SUGCT: variants seen among roughly 807,000 people sequenced by gnomAD.
SUGCT encodes succinyl-CoA:glutarate-CoA transferase, also known as succinyl-CoA:glutarate CoA-transferase.
A neutral mutation model predicts 55.0 loss-of-function variants in SUGCT; 41 were observed. The observed-to-expected ratio is 0.74, with a 90% CI of 0.58 to 0.97. The LOEUF (loss-of-function observed/expected upper bound fraction) is 0.97. Among genes scored for constraint, SUGCT ranks in the 50% least tolerant of loss-of-function variants. SUGCT has a pLI of 0.00. For missense variants in SUGCT, 568 were observed against 547.8 expected (o/e 1.04, Z -0.37); for synonymous variants, 187 against 200.4 (o/e 0.93, Z 0.56).
intron 12 of SUGCT, among the ~76,000 whole-genome samples, chr7:40,673,266 C>G (rs529700034): frequency 1.3e-5 from 2 of 152,276 alleles, no homozygotes; most frequent in East Asian, 3.9e-4. Context: ...AACTTCTCAT[C>G]TTTGCCCCTT....
the SUGCT span, among the ~76,000 whole-genome samples, chr7:40,976,520 C>T: frequency 3.3e-5 from 5 of 152,178 alleles, no homozygotes; most frequent in Non-Finnish European, 7.3e-5. Flanking sequence ...CTTTCCTAGC[C>T]ATTGATAGGT....
At chr7:40,381,804 A>G (rs568964550) in intron 9 of SUGCT, among the ~76,000 whole-genome samples, 100 of 152,282 alleles carry the variant, frequency 6.6e-4, no homozygotes, top group South Asian at 2.1e-3. Flanking sequence ...ACTATATGCC[A>G]TTTGGAAAAG....
chr7:40,328,870 C>A (rs1428756376), intron 9 of SUGCT, among the ~76,000 whole-genome samples: 1 of 152,046 alleles, frequency 6.6e-6, no homozygotes, highest in South Asian at 2.1e-4. Context: ...AGAATGGGTT[C>A]AAATCTACCC....
chr7:40,479,617 T>C (rs890011933), intron 11 of SUGCT, among the ~76,000 whole-genome samples: 1 of 152,176 alleles, frequency 6.6e-6, no homozygotes, highest in South Asian at 2.1e-4. Context: ...TTTGTCAAAA[T>C]GGCTGTACCA....
chr7:40,680,808 A>G (rs11763592), intron 12 of SUGCT, among the ~76,000 whole-genome samples: 24,966 of 152,122 alleles, frequency 0.16, 2,381 homozygotes, highest in Non-Finnish European at 0.22. Flanking sequence ...TGATCATTCT[A>G]CCTGGGGTTG....
chr7:40,839,767 T>G (rs1793180693), intron 13 of SUGCT, among the ~76,000 whole-genome samples: 1 of 61,574 alleles, frequency 1.6e-5, no homozygotes, highest in Non-Finnish European at 3.0e-5. Context: ...TTTCTCTATT[T>G]TTATTTTGTT....
rs188176239 is a variant in SUGCT, at chr7:40,170,666, C to T, written c.101-10281C>T. Among the ~76,000 whole-genome samples the T allele has an allele frequency of 9.7e-4, 147 of 151,890 alleles. 1 individual carries two copies. The highest frequency in any genetic ancestry group is 3.4e-3 in the African/African-American group (142 of 41,384). On this transcript the variant is annotated intron_variant, in intron 1 of 13. Transcript: ENST00000335693. ...TAGTTACGCTCACCGATGTAGCAGTCCTGCACCTGTTTTCCCACCTTTCTT... is the reference window on the plus strand; with the variant it reads ...TAGTTACGCTCACCGATGTAGCAGTTCTGCACCTGTTTTCCCACCTTTCTT...
intron 8 of SUGCT, among the ~76,000 whole-genome samples, chr7:40,304,048 C>CAAA (rs529987357): frequency 3.2e-5 from 2 of 61,566 alleles, no homozygotes; most frequent in Admixed American, 1.7e-4. Context: ...GACTCCATCT[C>CAAA]AAAAAAAAAA....
At chr7:40,714,349 AC>A (rs1183502224) in intron 12 of SUGCT, among the ~76,000 whole-genome samples, 1 of 152,046 alleles carries the variant, frequency 6.6e-6, no homozygotes, top group Non-Finnish European at 1.5e-5. Context: ...AAAAAAGAAA[AC>A]AAATCAAAAA....
intron 8 of SUGCT, among the ~76,000 whole-genome samples, chr7:40,282,189 C>G (rs1319316809): frequency 1.3e-5 from 2 of 151,998 alleles, no homozygotes; most frequent in African/African-American, 4.8e-5. Flanking sequence ...ATTGACTGGC[C>G]AGGTGCAGTG....
At chr7:40,744,208 G>A (rs7795257) in intron 12 of SUGCT, among the ~76,000 whole-genome samples, 1,608 of 152,036 alleles carry the variant, frequency 0.011, 20 homozygotes, top group African/African-American at 0.036. Context: ...GATTACAGAT[G>A]TGGGCCACCA....
chr7:40,803,727 T>C (rs184611189), intron 13 of SUGCT, among the ~76,000 whole-genome samples: 6 of 152,336 alleles, frequency 3.9e-5, no homozygotes, highest in Admixed American at 3.9e-4. Context: ...ATTCTTTGAG[T>C]AACCTAAAGA....
At chr7:40,468,139 G>A (rs376625022) in intron 11 of SUGCT, among the ~76,000 whole-genome samples, 9 of 151,836 alleles carry the variant, frequency 5.9e-5, no homozygotes, top group East Asian at 1.9e-4. Context: ...CACTTTTTGC[G>A]TGTTCCTTAA....
At chr7:40,859,972 T>C (rs1794405168) in intron 13 of SUGCT, among the ~76,000 whole-genome samples, 1 of 152,212 alleles carries the variant, frequency 6.6e-6, no homozygotes, top group Non-Finnish European at 1.5e-5. Context: ...GTGGTCACTG[T>C]TCTTTCCTAC....
chr7:40,825,039 C>T (rs1257521952), intron 13 of SUGCT, among the ~76,000 whole-genome samples: 1 of 152,160 alleles, frequency 6.6e-6, no homozygotes, highest in Non-Finnish European at 1.5e-5. Context: ...TCTTGCAATG[C>T]CACCATCTTC....
At chr7:40,164,125 CT>C (rs1050536681) in intron 1 of SUGCT, among the ~76,000 whole-genome samples, 62 of 146,318 alleles carry the variant, frequency 4.2e-4, no homozygotes, top group East Asian at 6.1e-4. Context: ...TGACCCTTGA[CT>C]TTTTTTTTTT....
intron 1 of SUGCT, among the ~76,000 whole-genome samples, chr7:40,168,677 T>C (rs1784533803): frequency 1.3e-5 from 2 of 152,188 alleles, no homozygotes; most frequent in African/African-American, 4.8e-5. Flanking sequence ...AGTGAAAGGT[T>C]TGGTGAAGGG....
intron 3 of SUGCT, among the ~76,000 whole-genome samples, chr7:40,184,333 G>A (rs558869078): frequency 6.6e-6 from 1 of 152,008 alleles, no homozygotes; most frequent in South Asian, 2.1e-4. Context: ...AGGCTGGAGT[G>A]CCATTGTGTG....
intron 12 of SUGCT, among the ~76,000 whole-genome samples, chr7:40,506,709 T>C (rs1792620317): frequency 6.6e-6 from 1 of 152,172 alleles, no homozygotes; most frequent in African/African-American, 2.4e-5. Context: ...AGGCTCTGTT[T>C]ATTTTTCTCC....
Sources: gnomAD v4.1 joint callset for allele counts (sites outside exome capture counted in the v4.1 genomes callset) on GRCh38, gnomAD v4.1.1 for gene constraint, MANE v1.5 for transcripts, NCBI Gene and HGNC (gene_info 2026-07-23, HGNC 2026-07-21) for gene names.